The following SLA2 variants were observed in gnomAD, a reference collection of about 807,000 sequenced individuals.
SLA2 encodes src-like-adapter 2.
SLA2 carries 22 observed loss-of-function variants against 27.3 expected under a neutral mutation model. That is an observed-to-expected ratio of 0.81 (90% CI 0.58 to 1.15). The LOEUF (loss-of-function observed/expected upper bound fraction) is 1.15, where lower values mean the gene tolerates loss of function less well. Among genes scored for constraint, SLA2 ranks in the 50% most tolerant of loss-of-function variants. The pLI is 0.00. For missense variants in SLA2, 304 were observed against 322.2 expected, an observed-to-expected ratio of 0.94 and a Z score of 0.43; for synonymous variants, 131 against 137.8, an observed-to-expected ratio of 0.95 and a Z score of 0.34.
intron 5 of SLA2, among the ~76,000 whole-genome samples, chr20:36,624,563 C>T (rs1031310147): frequency 1.3e-5 from 2 of 152,178 alleles, no homozygotes; most frequent in African/African-American, 4.8e-5. Context: ...GGCACAAAGT[C>T]AGCACACAGT....
At position 36,620,492 on chromosome 20, in the gene SLA2, G is replaced by A. The variant is rs969724552; in HGVS notation, c.383-5118C>T. 3.8e-5 allele frequency: 8 copies of A among 210,942 alleles called. No individual in the cohort carries two copies. The East Asian group carries it at 4.5e-4, about 12-fold the overall frequency. 13.1% of individuals were successfully genotyped at this position (210,942 alleles called of 1,614,324 possible). A position where few individuals can be genotyped will look rare whatever the true frequency, so the allele number is the denominator to read the frequency against. On this transcript the variant is annotated intron_variant, in intron 5 of 7. Coordinates refer to ENST00000262866, the MANE Select transcript of SLA2 (RefSeq NM_032214.4). ...GAAGTTATGGAAGACAAGCAGAGTCGAAAAAAGGATTTGCTTTTGTAACTT... is the reference window on the plus strand; with the variant it reads ...GAAGTTATGGAAGACAAGCAGAGTCAAAAAAAGGATTTGCTTTTGTAACTT...
intron 1 of SLA2, among the ~76,000 whole-genome samples, chr20:36,644,716 C>T (rs1022811378): frequency 1.5e-4 from 23 of 152,132 alleles, no homozygotes; most frequent in Non-Finnish European, 5.9e-5. Context: ...GTATTAGCCG[C>T]ACATTTTGTA....
chr20:36,627,199 C>T (rs192842522), intron 5 of SLA2, among the ~76,000 whole-genome samples: 10 of 152,158 alleles, frequency 6.6e-5, no homozygotes, highest in East Asian at 3.9e-4. Flanking sequence ...TGTGGCTGGA[C>T]GCGGAGCCTA....
chr20:36,624,443 T>C (rs1229620677), intron 5 of SLA2, among the ~76,000 whole-genome samples: 1 of 152,120 alleles, frequency 6.6e-6, no homozygotes, highest in East Asian at 1.9e-4. Context: ...TCTTGGCACT[T>C]ATCACTCTCA....
intron 2 of SLA2, among the ~76,000 whole-genome samples, chr20:36,637,051 T>G (rs1185718248): frequency 6.6e-6 from 1 of 152,068 alleles, no homozygotes; most frequent in Non-Finnish European, 1.5e-5. Flanking sequence ...TTCTCAATAA[T>G]TCTTCTTTGG....
chr20:36,645,067 C>T (rs2148000559), intron 1 of SLA2, among the ~76,000 whole-genome samples: 1 of 151,962 alleles, frequency 6.6e-6, no homozygotes, highest in Admixed American at 6.6e-5. Context: ...TGGCCAGGCA[C>T]AGTGGCTCAT....
intron 2 of SLA2, among the ~76,000 whole-genome samples, chr20:36,636,953 AC>A (rs1426396025): frequency 6.8e-6 from 1 of 146,892 alleles, no homozygotes; most frequent in South Asian, 2.2e-4. Context: ...TCCGTCCCCC[AC>A]CCCCCCCAAA....
rs374098653 is a variant in SLA2, at chr20:36,636,290, G to A, written c.92-1701C>T. ...AAAAAAATTAGCCGGGCGCGGTGGC[G>A]GGCGCCTGTAGTCCCAGCTACTCGG... On this transcript the variant is annotated intron_variant, in intron 2 of 7. Transcript: ENST00000262866. 2.4e-3 allele frequency among the ~76,000 whole-genome samples: 363 copies of A among 150,716 alleles called. 8 individuals are homozygous for A. In the East Asian group the frequency reaches 0.051, roughly 21 times the overall value.
intron 6 of SLA2, 139 bp from the exon 7 acceptor site, chr20:36,614,576 T>C: frequency 6.9e-7 from 1 of 1,443,236 alleles, no homozygotes; most frequent in Non-Finnish European, 9.0e-7. Context: ...CCCAAGCTAT[T>C]GGTTTCATGG....
chr20:36,619,639 T>G (rs1401423233), intron 5 of SLA2, among the ~76,000 whole-genome samples: 1 of 151,018 alleles, frequency 6.6e-6, no homozygotes, highest in Non-Finnish European at 1.5e-5. Flanking sequence ...TTTTTCTTTT[T>G]TTTTTTTTTG....
chr20:36,623,027 G>C (rs1014560480), intron 5 of SLA2, among the ~76,000 whole-genome samples: 14 of 152,116 alleles, frequency 9.2e-5, no homozygotes, highest in African/African-American at 3.4e-4. Flanking sequence ...CCAACACTTT[G>C]GGAGGCCGAG....
At position 36,641,170 on chromosome 20, in the gene SLA2, C is replaced by T. The variant is rs2039502898; in HGVS notation, c.91+75G>A. ...CTTACACTGTGTTGGAGCTGCTGGC[C>T]AGGAAGGCCCACAGAGGCAGTGAAG... On this transcript the variant is annotated intron_variant, in intron 2 of 7. Transcript: ENST00000262866. The T allele has an allele frequency of 3.1e-6, 4 of 1,271,324 alleles. No individual in the cohort carries two copies. In the East Asian group the frequency reaches 9.4e-5, roughly 30 times the overall value. The allele number at this position is 1,271,324 out of a possible 1,614,324, so 78.8% of individuals were successfully genotyped here. A position where few individuals can be genotyped will look rare whatever the true frequency, so the allele number is the denominator to read the frequency against.
At chr20:36,630,288 G>C (rs182032585) in intron 5 of SLA2, among the ~76,000 whole-genome samples, 1 of 152,314 alleles carries the variant, frequency 6.6e-6, no homozygotes, top group Admixed American at 6.5e-5. Context: ...AATAGCAGGA[G>C]GGGCCTCAGA....
chr20:36,614,876 G>C, intron 6 of SLA2: 1 of 985,406 alleles, frequency 1.0e-6, no homozygotes, highest in African/African-American at 1.7e-5. Context: ...CAGGCACCAG[G>C]AAGTACTAAG....
At chr20:36,620,077 C>T (rs1299089962) in intron 5 of SLA2, among the ~76,000 whole-genome samples, 3 of 151,102 alleles carry the variant, frequency 2.0e-5, no homozygotes, top group East Asian at 2.0e-4. Flanking sequence ...GGCGACAGAG[C>T]GAGATTCCAC....
Position 36,633,524 on chromosome 20 carries a change from G to A in SLA2, c.278+19C>T, listed in dbSNP as rs2039413483. The A allele has an allele frequency of 6.2e-7, 1 of 1,601,674 alleles. No homozygotes were observed. The highest frequency in any genetic ancestry group is 1.3e-5 in the African/African-American group (1 of 74,700). On this transcript the variant is annotated intron_variant, in intron 4 of 7. Coordinates refer to ENST00000262866, the MANE Select transcript of SLA2 (RefSeq NM_032214.4). ...GAAAGCAGGAAGCTCTGCAAGGCGG[G>A]CCTGGGGTGGGAACTCACCCATGGG... is the stretch of plus-strand genomic sequence containing the variant.
intron 2 of SLA2, among the ~76,000 whole-genome samples, chr20:36,640,604 C>T (rs1392899687): frequency 6.6e-6 from 1 of 151,338 alleles, no homozygotes; most frequent in Admixed American, 6.6e-5. Context: ...GCAACCTCTG[C>T]CTCCCGGGTT....
At chr20:36,623,126 G>A (rs765542276) in intron 5 of SLA2, among the ~76,000 whole-genome samples, 8 of 152,044 alleles carry the variant, frequency 5.3e-5, no homozygotes, top group African/African-American at 7.3e-5. Context: ...AAAATTAGCT[G>A]GGCATGATGG....
intron 5 of SLA2, among the ~76,000 whole-genome samples, chr20:36,626,479 G>C (rs1403991752): frequency 6.6e-6 from 1 of 151,780 alleles, no homozygotes; most frequent in Non-Finnish European, 1.5e-5. Context: ...TGGGAGAATC[G>C]CTTGGGCCTG....
Sources: allele counts gnomAD v4.1 joint callset (sites outside exome capture counted in the v4.1 genomes callset), GRCh38; gene constraint gnomAD v4.1.1; transcripts MANE v1.5; gene names NCBI Gene and HGNC (gene_info 2026-07-23, HGNC 2026-07-21).